Variants in LEKR1 observed in about 807,000 individuals in gnomAD.
LEKR1 encodes the protein leucine, glutamate and lysine rich 1.
A neutral mutation model predicts 72.4 loss-of-function variants in LEKR1; 59 were observed. The ratio of observed to expected loss-of-function variants is 0.82; its 90% CI spans 0.66 to 1.01. The LOEUF (loss-of-function observed/expected upper bound fraction) is 1.01. Ranked by LOEUF, LEKR1 falls within the 50% of genes least tolerant of loss-of-function variation. The pLI, the probability that LEKR1 is intolerant of heterozygous loss-of-function variation, is 0.00. For missense variants in LEKR1, 728 were observed against 759.2 expected, an observed-to-expected ratio of 0.96 and a Z score of 0.48; for synonymous variants, 257 against 263.2, an observed-to-expected ratio of 0.98 and a Z score of 0.23.
rs537736866 is a variant in LEKR1, at chr3:156,867,146, G to A, written c.263+14164G>A. Among the ~76,000 whole-genome samples, 12 of 152,138 alleles carry A rather than the reference G, an allele frequency of 7.9e-5. No individual in the cohort carries two copies. In the East Asian group the frequency reaches 2.3e-3, roughly 29 times the overall value. On this transcript the variant is annotated intron_variant, in intron 3 of 12. Transcript: ENST00000356539. ...AATAAAGGATGTATCTTGGCAAATG[G>A]CCTTGCCAATGATGTTCAAAACAAA...
At chr3:156,863,851 A>G (rs1012485607) in intron 3 of LEKR1, among the ~76,000 whole-genome samples, 3 of 152,030 alleles carry the variant, frequency 2.0e-5, no homozygotes, top group African/African-American at 7.2e-5. Context: ...AAGGCACACC[A>G]AATCTTGAGC....
At chr3:156,828,573 G>A (rs959316910) in intron 1 of LEKR1, among the ~76,000 whole-genome samples, 5 of 151,340 alleles carry the variant, frequency 3.3e-5, no homozygotes, top group African/African-American at 1.2e-4. Flanking sequence ...GCCCTTACTC[G>A]TGAGGGAAGG....
chr3:156,988,863 G>A (rs984682819), intron 7 of LEKR1, among the ~76,000 whole-genome samples: 23 of 152,002 alleles, frequency 1.5e-4, no homozygotes, highest in South Asian at 4.2e-4. Flanking sequence ...ATGGAGTCTC[G>A]CACTGTCGCC....
chr3:156,971,086 A>C (rs943208577), intron 6 of LEKR1, among the ~76,000 whole-genome samples: 1 of 152,158 alleles, frequency 6.6e-6, no homozygotes, highest in Non-Finnish European at 1.5e-5. Context: ...CTGACTTCAA[A>C]CTATACTACA....
chr3:156,967,938 T>C (rs1728783377), intron 6 of LEKR1, among the ~76,000 whole-genome samples: 1 of 152,182 alleles, frequency 6.6e-6, no homozygotes, highest in African/African-American at 2.4e-5. Flanking sequence ...CAGCAGAAAC[T>C]CTACAAGCCA....
chr3:156,899,534 A>G (rs1488221456), intron 3 of LEKR1, among the ~76,000 whole-genome samples: 1 of 115,540 alleles, frequency 8.7e-6, no homozygotes, highest in Non-Finnish European at 1.8e-5. Context: ...ATATATACAC[A>G]TATATACATA....
At chr3:156,960,006 A>G (rs1250456136) in intron 6 of LEKR1, among the ~76,000 whole-genome samples, 6 of 152,160 alleles carry the variant, frequency 3.9e-5, no homozygotes, top group Non-Finnish European at 7.3e-5. Context: ...CAAGAATCAG[A>G]ACATGATGAC....
chr3:156,908,433 A>G (rs920737603), intron 3 of LEKR1, among the ~76,000 whole-genome samples: 12 of 152,152 alleles, frequency 7.9e-5, no homozygotes, highest in African/African-American at 1.7e-4. Flanking sequence ...TTATTACTCA[A>G]TTGTTCATTC....
intron 11 of LEKR1, among the ~76,000 whole-genome samples, chr3:157,025,706 T>A (rs1734135724): frequency 6.6e-6 from 1 of 152,188 alleles, no homozygotes; most frequent in Admixed American, 6.5e-5. Flanking sequence ...TTTGGATTTA[T>A]TGCTTTGCAG....
At chr3:156,942,754 A>G (rs1726334453) in intron 6 of LEKR1, 40 bp downstream of exon 6, 2 of 870,916 alleles carry the variant, frequency 2.3e-6, no homozygotes, top group Non-Finnish European at 3.1e-6. Flanking sequence ...GACTAGTTAT[A>G]TAAGTACATG....
At position 157,045,543 on chromosome 3, in the gene LEKR1, A is replaced by G; in HGVS notation, c.1872A>G (p.Arg624=). Residue 624 remains arginine, a synonymous_variant, in exon 13 of 13, where the codon AGA becomes AGG. Transcript: ENST00000356539. ...VSNHGERSLA[R]LNSEKGIQIP... Reference sequence around the variant, plus strand: ...ATCATGGAGAGAGAAGCCTTGCAAGACTGAACTCTGAAAAAGGAATCCAAA... The same window carrying G: ...ATCATGGAGAGAGAAGCCTTGCAAGGCTGAACTCTGAAAAAGGAATCCAAA... 1 of 1,614,110 alleles carries G rather than the reference A, an allele frequency of 6.2e-7. No individual in the cohort carries two copies. The highest frequency in any genetic ancestry group is 8.5e-7 in the Non-Finnish European group (1 of 1,180,018).
chr3:156,853,450 G>T (rs147521826), intron 3 of LEKR1: 1 of 152,468 alleles, frequency 6.6e-6, no homozygotes, highest in Non-Finnish European at 1.5e-5. Flanking sequence ...TAAAGAATGG[G>T]TTTCTAATTT....
intron 6 of LEKR1, among the ~76,000 whole-genome samples, chr3:156,955,416 T>C (rs1727533855): frequency 6.6e-6 from 1 of 151,974 alleles, no homozygotes; most frequent in Non-Finnish European, 1.5e-5. Context: ...GCATCTTTGT[T>C]TATGCCAGTT....
chr3:156,971,429 G>A (rs1315637762), intron 6 of LEKR1, among the ~76,000 whole-genome samples: 2 of 152,138 alleles, frequency 1.3e-5, no homozygotes, highest in African/African-American at 4.8e-5. Context: ...CATAGGCATG[G>A]GCAAGGACTT....
intron 6 of LEKR1, among the ~76,000 whole-genome samples, chr3:156,977,992 C>A (rs1380516673): frequency 6.6e-6 from 1 of 152,182 alleles, no homozygotes; most frequent in East Asian, 1.9e-4. Flanking sequence ...GTAGCAGGTA[C>A]TCTCTAATCC....
At chr3:157,026,205 C>G (rs1439718461) in intron 11 of LEKR1, among the ~76,000 whole-genome samples, 1 of 152,000 alleles carries the variant, frequency 6.6e-6, no homozygotes, top group Non-Finnish European at 1.5e-5. Flanking sequence ...TGCTTCCTGG[C>G]TCCTGATGCC....
chr3:157,025,070 G>C (rs564987138), intron 11 of LEKR1, 146 bp downstream of exon 11: 1 of 533,582 alleles, frequency 1.9e-6, no homozygotes, highest in African/African-American at 2.0e-5. Context: ...CAGGTAAGAC[G>C]GTTTGGCTAA....
intron 3 of LEKR1, among the ~76,000 whole-genome samples, chr3:156,898,823 AAAAC>A (rs376252697): frequency 1.1e-4 from 16 of 152,328 alleles, no homozygotes; most frequent in East Asian, 5.8e-4. Context: ...CTGCTAAAAC[AAAAC>A]AAACAAACAA....
At chr3:157,014,652 TTTAA>T (rs1733163019) in intron 10 of LEKR1, among the ~76,000 whole-genome samples, 1 of 152,182 alleles carries the variant, frequency 6.6e-6, no homozygotes, top group South Asian at 2.1e-4. Context: ...GAGGACATGC[TTTAA>T]TTTTTATATT....
Sources: gnomAD v4.1 joint callset for allele counts (sites outside exome capture counted in the v4.1 genomes callset) on GRCh38, gnomAD v4.1.1 for gene constraint, MANE v1.5 for transcripts, NCBI Gene and HGNC (gene_info 2026-07-23, HGNC 2026-07-21) for gene names.